UBE2D3: variants seen among roughly 807,000 people sequenced by gnomAD.
UBE2D3 encodes the protein ubiquitin-conjugating enzyme E2 D3.
UBE2D3 carries 2 observed loss-of-function variants against 22.8 expected under a neutral mutation model. The observed-to-expected ratio is 0.09, with a 90% CI of 0.04 to 0.28. The LOEUF (loss-of-function observed/expected upper bound fraction) is 0.28, where lower values mean the gene tolerates loss of function less well. Ranked by LOEUF, UBE2D3 falls within the 10% of genes least tolerant of loss-of-function variation. UBE2D3 has a pLI of 1.00. For missense variants in UBE2D3, 27 were observed against 182.5 expected (o/e 0.15, Z 4.91); for synonymous variants, 56 against 60.4 (o/e 0.93, Z 0.34).
chr4:102,798,175 A>AG (rs1725498807), intron 7 of UBE2D3, among the ~76,000 whole-genome samples: 1 of 151,132 alleles, frequency 6.6e-6, no homozygotes, highest in Admixed American at 6.6e-5. Context: ...GTTATTACTC[A>AG]GGAAGACTAC....
rs1329622698 is a variant in UBE2D3, at chr4:102,819,479, C to T, written c.24+7006G>A. 4.2e-5 allele frequency: 34 copies of T among 803,354 alleles called. 1 individual carries two copies. Among genetic ancestry groups the T allele is most frequent in the African/African-American group, 5.6e-5 (3 of 53,402 alleles). 49.8% of individuals were successfully genotyped at this position (803,354 alleles called of 1,614,324 possible). ...GGAGCCCAATAAGTATCTGAACATTCGGTTAACTTTCTTTCAATGACAGCC... is the reference window on the plus strand; with the variant it reads ...GGAGCCCAATAAGTATCTGAACATTTGGTTAACTTTCTTTCAATGACAGCC... On this transcript the variant is annotated intron_variant, in intron 2 of 7. Transcript: ENST00000453744.
At chr4:102,825,362 C>T (rs746552442) in intron 2 of UBE2D3, 312 of 1,008,830 alleles carry the variant, frequency 3.1e-4, no homozygotes, top group Non-Finnish European at 3.6e-4. Flanking sequence ...ATACAAGTCA[C>T]AAAAAAGGGA....
intron 1 of UBE2D3, among the ~76,000 whole-genome samples, chr4:102,861,074 G>A (rs1732875800): frequency 6.6e-6 from 1 of 151,956 alleles, no homozygotes; most frequent in Non-Finnish European, 1.5e-5. Flanking sequence ...AAACAGAAGT[G>A]AGCCTTTTGG....
chr4:102,863,519 C>G (rs1733000921), intron 1 of UBE2D3, among the ~76,000 whole-genome samples: 1 of 151,942 alleles, frequency 6.6e-6, no homozygotes, highest in African/African-American at 2.4e-5. Context: ...TTTTTTGAGA[C>G]AGTCTCACTC....
intron 5 of UBE2D3, 63 bp from the exon 6 acceptor site, chr4:102,801,622 TA>T (rs1726164755): frequency 7.9e-7 from 1 of 1,266,798 alleles, no homozygotes; most frequent in Admixed American, 2.4e-5. Context: ...AAGCAAAACT[TA>T]AAATAATCAA....
At chr4:102,808,627 C>T (rs989437795) in intron 4 of UBE2D3, among the ~76,000 whole-genome samples, 16 of 152,150 alleles carry the variant, frequency 1.1e-4, no homozygotes, top group African/African-American at 3.9e-4. Flanking sequence ...CTTCATTCAC[C>T]AATCACTTAT....
intron 1 of UBE2D3, among the ~76,000 whole-genome samples, chr4:102,853,707 G>C (rs1477960558): frequency 6.6e-6 from 1 of 152,118 alleles, no homozygotes; most frequent in Non-Finnish European, 1.5e-5. Context: ...TGAGAAATTG[G>C]TGAACAGGAG....
intron 1 of UBE2D3, among the ~76,000 whole-genome samples, chr4:102,866,328 A>C (rs1733144157): frequency 6.6e-6 from 1 of 152,246 alleles, no homozygotes. Flanking sequence ...AGCTATTCAC[A>C]TAAACTGCTA....
At chr4:102,867,906 A>G (rs1733226834) in intron 1 of UBE2D3, among the ~76,000 whole-genome samples, 1 of 152,188 alleles carries the variant, frequency 6.6e-6, no homozygotes, top group South Asian at 2.1e-4. Context: ...TTTATGAAAA[A>G]AAATTTTTTT....
At chr4:102,820,469 T>C (rs1014063206) in intron 2 of UBE2D3, among the ~76,000 whole-genome samples, 4 of 152,226 alleles carry the variant, frequency 2.6e-5, no homozygotes, top group African/African-American at 9.6e-5. Flanking sequence ...AGTATCTCAC[T>C]GCATCACTGA....
chr4:102,829,228 C>A (rs750022254), upstream of UBE2D3, among the ~76,000 whole-genome samples: 9 of 152,148 alleles, frequency 5.9e-5, no homozygotes, highest in African/African-American at 2.2e-4. Flanking sequence ...CCAGGTGATA[C>A]AGATTTTTCT....
chr4:102,801,492 A>G lies in UBE2D3; in HGVS notation c.266T>C (p.Leu89Pro). 6.2e-7 allele frequency: 1 copy of G among 1,609,922 alleles called. No homozygotes were observed. ...TAAAGCAGGCGACCACTGTGATCTTAGAATATCGAGACAAATGCTGCCATT... is the reference window on the plus strand; with the variant it reads ...TAAAGCAGGCGACCACTGTGATCTTGGAATATCGAGACAAATGCTGCCATT... Reference protein sequence around the residue: ...NSNGSICLDILRSQWSPALTI... With the variant: ...NSNGSICLDIPRSQWSPALTI... The change falls in exon 6 of 8, where the codon CTA (leucine) becomes CCA (proline). Residue 89 changes from leucine (L) to proline (P), a missense_variant. By Grantham distance (98) the Leu-to-Pro change is moderately conservative. Coordinates refer to ENST00000453744, the MANE Select transcript of UBE2D3 (RefSeq NM_181891.3).
At chr4:102,851,672 G>GTT (rs11422292) in intron 1 of UBE2D3, among the ~76,000 whole-genome samples, 3 of 137,106 alleles carry the variant, frequency 2.2e-5, no homozygotes, top group Non-Finnish European at 4.7e-5. Context: ...TTTGTTTTTT[G>GTT]TTTTTTTTTT....
At chr4:102,829,645 G>A (rs535350358), upstream of UBE2D3, among the ~76,000 whole-genome samples, 1 of 152,264 alleles carries the variant, frequency 6.6e-6, no homozygotes, top group East Asian at 1.9e-4. Context: ...GCCATAGTGT[G>A]AAACAAATGT....
At chr4:102,799,227 C>G (rs2110245800) in intron 7 of UBE2D3, among the ~76,000 whole-genome samples, 180 bp downstream of exon 7, 1 of 151,872 alleles carries the variant, frequency 6.6e-6, no homozygotes, top group African/African-American at 2.4e-5. Flanking sequence ...GGGGAGCATT[C>G]ACTGTCACAT....
At chr4:102,866,164 TATCTCCTATTACAC>T (rs543907517) in intron 1 of UBE2D3, among the ~76,000 whole-genome samples, 315 of 152,340 alleles carry the variant, frequency 2.1e-3, no homozygotes, top group African/African-American at 7.1e-3. Context: ...AGTTAGGAAT[TATCTCCTATTACAC>T]ATTCGCATAG....
At chr4:102,825,188 G>A (rs1024113535) in intron 2 of UBE2D3, 46 of 959,270 alleles carry the variant, frequency 4.8e-5, no homozygotes, top group East Asian at 1.2e-4. Flanking sequence ...ATTCCTCTCA[G>A]AACTCTTTTT....
Position 102,795,717 on chromosome 4 carries a change from CATTT to C in UBE2D3, c.*1694_*1697del, listed in dbSNP as rs1235198258. The C allele has an allele frequency of 2.0e-5, 3 of 152,172 alleles. No individual in the cohort carries two copies. The highest frequency in any genetic ancestry group is 1.9e-4 in the East Asian group (1 of 5,192). 9.4% of individuals were successfully genotyped at this position (152,172 alleles called of 1,614,324 possible). On this transcript the variant is annotated 3_prime_UTR_variant, in exon 8 of 8. Coordinates refer to ENST00000453744, the MANE Select transcript of UBE2D3 (RefSeq NM_181891.3). ...AATGTTTATAAAAAGTAAGTTTTAA[CATTT>C]ATTTCTAGCTTTCCACATGTGTGTG...
chr4:102,804,016 A>T (rs113902797), intron 4 of UBE2D3, among the ~76,000 whole-genome samples: 1,604 of 152,032 alleles, frequency 0.011, 21 homozygotes, highest in African/African-American at 0.036. Flanking sequence ...TGATCCACCC[A>T]TCTCGGCCTC....
Sources: allele counts gnomAD v4.1 joint callset (sites outside exome capture counted in the v4.1 genomes callset), GRCh38; gene constraint gnomAD v4.1.1; transcripts MANE v1.5; gene names NCBI Gene and HGNC (gene_info 2026-07-23, HGNC 2026-07-21).